The following INPP4B variants were observed in gnomAD, a reference collection of about 807,000 sequenced individuals.
The protein encoded by INPP4B is inositol polyphosphate-4-phosphatase type II B.
In INPP4B, 55 loss-of-function variants were observed where a neutral mutation model predicts 122.5. That is an observed-to-expected ratio of 0.45 (90% CI 0.36 to 0.56). The LOEUF (loss-of-function observed/expected upper bound fraction) is 0.56. Ranked by LOEUF, INPP4B falls within the 20% of genes least tolerant of loss-of-function variation. The pLI is 0.00. For synonymous variants in INPP4B, 403 were observed against 388.7 expected (o/e 1.04, Z -0.43); for missense variants, 1,000 against 1,097.7 (o/e 0.91, Z 1.26).
At chr4:142,325,271 A>G (rs2151465160) in intron 7 of INPP4B, among the ~76,000 whole-genome samples, 1 of 152,342 alleles carries the variant, frequency 6.6e-6, no homozygotes, top group South Asian at 2.1e-4. Flanking sequence ...CATGCGGTCA[A>G]GGGATGAAAA....
chr4:142,519,157 T>C (rs1258427554), intron 2 of INPP4B, among the ~76,000 whole-genome samples: 1 of 152,124 alleles, frequency 6.6e-6, no homozygotes, highest in Non-Finnish European at 1.5e-5. Flanking sequence ...CAGGAAAATA[T>C]CCAGGAGCAA....
chr4:142,459,416 A>G (rs1204127566), intron 3 of INPP4B, among the ~76,000 whole-genome samples: 3 of 152,176 alleles, frequency 2.0e-5, no homozygotes, highest in Non-Finnish European at 4.4e-5. Flanking sequence ...GGGTAGATAA[A>G]AGGAAGGAAG....
chr4:142,729,769 A>C (rs913015638), intron 1 of INPP4B, among the ~76,000 whole-genome samples: 2 of 152,164 alleles, frequency 1.3e-5, no homozygotes, highest in Non-Finnish European at 2.9e-5. Flanking sequence ...AGACCAGTTC[A>C]GTTGCTGGGA....
chr4:142,341,888 T>C (rs1279260807), intron 7 of INPP4B, among the ~76,000 whole-genome samples: 1 of 151,984 alleles, frequency 6.6e-6, no homozygotes, highest in Non-Finnish European at 1.5e-5. Context: ...ATCTTGCCAA[T>C]AAGGGGAGTG....
chr4:142,543,814 G>C (rs762394494), intron 2 of INPP4B, among the ~76,000 whole-genome samples: 58 of 152,060 alleles, frequency 3.8e-4, no homozygotes, highest in Non-Finnish European at 7.1e-4. Context: ...AGTCCTAGCT[G>C]TTCCTTATAA....
chr4:142,135,677 T>TA, intron 18 of INPP4B, among the ~76,000 whole-genome samples: 1 of 152,146 alleles, frequency 6.6e-6, no homozygotes, highest in East Asian at 1.9e-4. Flanking sequence ...CAGAATCCAG[T>TA]AAAAAATAAA....
chr4:142,195,042 G>A (rs188461965), intron 14 of INPP4B, among the ~76,000 whole-genome samples: 30 of 152,274 alleles, frequency 2.0e-4, no homozygotes, highest in African/African-American at 5.1e-4. Flanking sequence ...CAAAATATGC[G>A]GCATTTCTGC....
intron 7 of INPP4B, among the ~76,000 whole-genome samples, chr4:142,327,268 A>G (rs1442627995): frequency 1.3e-5 from 2 of 152,178 alleles, no homozygotes; most frequent in Non-Finnish European, 2.9e-5. Context: ...CAACAATATA[A>G]GGCTAAATAA....
intron 2 of INPP4B, among the ~76,000 whole-genome samples, chr4:142,717,864 A>C (rs1381611058): frequency 6.7e-6 from 1 of 150,174 alleles, no homozygotes; most frequent in Non-Finnish European, 1.5e-5. Context: ...CATTGTGCAC[A>C]TGTACCTTAG....
At chr4:142,547,683 G>A (rs1013935240) in intron 2 of INPP4B, among the ~76,000 whole-genome samples, 1 of 152,050 alleles carries the variant, frequency 6.6e-6, no homozygotes, top group Non-Finnish European at 1.5e-5. Flanking sequence ...CTCAAACACT[G>A]GCTAGTAGAA....
At chr4:142,104,197 A>C (rs1022505421) in intron 23 of INPP4B, among the ~76,000 whole-genome samples, 9 of 152,098 alleles carry the variant, frequency 5.9e-5, no homozygotes, top group African/African-American at 1.7e-4. Context: ...CTCCTCCCTT[A>C]AAGGGAAGAG....
intron 1 of INPP4B, among the ~76,000 whole-genome samples, chr4:142,778,203 G>C (rs1222034527): frequency 6.6e-6 from 1 of 152,134 alleles, no homozygotes; most frequent in Non-Finnish European, 1.5e-5. Context: ...GGAAGTCTCT[G>C]ACCTAGCAAT....
At chr4:142,538,425 A>G (rs1188365227) in intron 2 of INPP4B, among the ~76,000 whole-genome samples, 1 of 152,146 alleles carries the variant, frequency 6.6e-6, no homozygotes, top group Non-Finnish European at 1.5e-5. Flanking sequence ...GAGTATATAT[A>G]TACTAAAACA....
chr4:142,410,632 A>G (rs899556162), intron 5 of INPP4B, among the ~76,000 whole-genome samples: 3 of 152,200 alleles, frequency 2.0e-5, no homozygotes, highest in Non-Finnish European at 4.4e-5. Flanking sequence ...TTAACTTAAG[A>G]TAAAACCTTA....
intron 2 of INPP4B, among the ~76,000 whole-genome samples, chr4:142,561,256 A>C (rs1580371473): frequency 6.6e-6 from 1 of 152,196 alleles, no homozygotes; most frequent in Non-Finnish European, 1.5e-5. Context: ...GGAAGAATAA[A>C]ATATAATACT....
At chr4:142,344,305 T>A (rs1779623831) in intron 7 of INPP4B, among the ~76,000 whole-genome samples, 1 of 137,040 alleles carries the variant, frequency 7.3e-6, no homozygotes, top group African/African-American at 2.5e-5. Flanking sequence ...TGTATATTTT[T>A]AAAATAAAAT....
At chr4:142,806,454 A>C (rs1162620110) in intron 1 of INPP4B, among the ~76,000 whole-genome samples, 2 of 151,892 alleles carry the variant, frequency 1.3e-5, no homozygotes, top group African/African-American at 2.4e-5. Flanking sequence ...TTAAGAAACA[A>C]ATTCAGCCAG....
At chr4:142,488,690 T>C (rs148977502) in intron 2 of INPP4B, among the ~76,000 whole-genome samples, 1 of 152,136 alleles carries the variant, frequency 6.6e-6, no homozygotes, top group Non-Finnish European at 1.5e-5. Flanking sequence ...CTGTTCATAA[T>C]ACTCCCTATA....
chr4:142,599,806 G>A (rs1580466482), intron 2 of INPP4B, among the ~76,000 whole-genome samples: 1 of 151,846 alleles, frequency 6.6e-6, no homozygotes, highest in Non-Finnish European at 1.5e-5. Flanking sequence ...TATACTACGA[G>A]TGAGAAATTT....
Sources: gnomAD v4.1 joint callset for allele counts (sites outside exome capture counted in the v4.1 genomes callset) on GRCh38, gnomAD v4.1.1 for gene constraint, MANE v1.5 for transcripts, NCBI Gene and HGNC (gene_info 2026-07-23, HGNC 2026-07-21) for gene names.